The following ZC4H2 variants were observed in gnomAD, a reference collection of about 807,000 sequenced individuals.
ZC4H2 encodes zinc finger C4H2 domain-containing protein.
For missense variants in ZC4H2, 137 were observed against 173.9 expected (o/e 0.79, Z 1.19); for synonymous variants, 84 against 66.3 (o/e 1.27, Z -1.30).
intron 2 of ZC4H2, 114 bp from the exon 3 acceptor site, chrX:64,920,367 T>A: frequency 1.3e-6 from 1 of 768,586 alleles, no homozygotes; most frequent in Non-Finnish European, 1.8e-6. Flanking sequence ...TATATTCAAG[T>A]CCTTGATCTC....
intron 1 of ZC4H2, among the ~76,000 whole-genome samples, chrX:65,029,843 C>T (rs1434470106): frequency 9.1e-6 from 1 of 109,801 alleles, no homozygotes; most frequent in Non-Finnish European, 1.9e-5. Context: ...AGGTCATCTG[C>T]CATAGTGGAG....
At chrX:64,948,242 T>G (rs888575771) in intron 1 of ZC4H2, among the ~76,000 whole-genome samples, 2 of 111,772 alleles carry the variant, frequency 1.8e-5, no homozygotes, top group African/African-American at 6.5e-5. Context: ...GAAACCGGAC[T>G]TGGTCCAGGA....
At chrX:65,012,651 A>C (rs1191759914) in intron 1 of ZC4H2, among the ~76,000 whole-genome samples, 1 of 112,181 alleles carries the variant, frequency 8.9e-6, no homozygotes, top group Non-Finnish European at 1.9e-5. Flanking sequence ...CCAGTTCTCT[A>C]CATGACTACA....
intron 1 of ZC4H2, among the ~76,000 whole-genome samples, chrX:65,026,780 G>A (rs894928737): frequency 1.8e-5 from 2 of 111,643 alleles, no homozygotes; most frequent in African/African-American, 3.3e-5. Context: ...CAGGAAGGCA[G>A]GTGGGCTTCA....
intron 1 of ZC4H2, among the ~76,000 whole-genome samples, chrX:64,946,356 C>A (rs1262352158): frequency 9.0e-6 from 1 of 110,906 alleles, no homozygotes; most frequent in Admixed American, 9.6e-5. Flanking sequence ...ACAGGGAGGT[C>A]CCTGGTCCTT....
Position 64,917,264 on chromosome X carries a change from C to A in ZC4H2, c.*519G>T, listed in dbSNP as rs1928973246. The A allele has an allele frequency of 8.9e-6, 1 of 112,050 alleles. No homozygotes were observed. The highest frequency in any genetic ancestry group is 3.3e-5 in the African/African-American group (1 of 30,643). 9.2% of individuals were successfully genotyped at this position (112,050 alleles called of 1,213,427 possible). The stretch of plus-strand genomic sequence containing the variant: ...TGAAAAGGAGGGCTTGTCCAAGCTA[C>A]CTCTGGGCCTTAAGGATGAGATGAG... On this transcript the variant is annotated 3_prime_UTR_variant, in exon 5 of 5. Coordinates refer to ENST00000374839, the MANE Select transcript of ZC4H2 (RefSeq NM_018684.4).
intron 1 of ZC4H2, among the ~76,000 whole-genome samples, chrX:64,955,202 G>C (rs948479914): frequency 1.8e-5 from 2 of 111,840 alleles, no homozygotes; most frequent in Non-Finnish European, 3.8e-5. Context: ...CAAACCTTCA[G>C]GTGCATTTGG....
intron 1 of ZC4H2, among the ~76,000 whole-genome samples, chrX:64,931,854 T>C (rs1291026261): frequency 8.9e-6 from 1 of 111,930 alleles, no homozygotes; most frequent in Non-Finnish European, 1.9e-5. Flanking sequence ...GTTTTGTAAA[T>C]ATATGTTAAT....
intron 1 of ZC4H2, among the ~76,000 whole-genome samples, chrX:64,938,724 A>C (rs1287101365): frequency 8.9e-6 from 1 of 112,127 alleles, no homozygotes; most frequent in Non-Finnish European, 1.9e-5. Context: ...AAGGCCTGTG[A>C]CATAATTCAA....
chrX:64,946,326 C>T (rs186888010), intron 1 of ZC4H2, among the ~76,000 whole-genome samples: 122 of 110,979 alleles, frequency 1.1e-3, no homozygotes, highest in African/African-American at 3.8e-3. Flanking sequence ...AGCACAGCCT[C>T]ACAGCTTCCC....
chrX:64,996,484 A>T (rs987557699), intron 1 of ZC4H2, among the ~76,000 whole-genome samples: 1 of 111,815 alleles, frequency 8.9e-6, no homozygotes, highest in African/African-American at 3.2e-5. Flanking sequence ...TTATTCAAAA[A>T]GAAAATAAAC....
chrX:64,960,325 G>T (rs1470945940), intron 1 of ZC4H2, among the ~76,000 whole-genome samples: 1 of 109,473 alleles, frequency 9.1e-6, no homozygotes, highest in Admixed American at 9.7e-5. Flanking sequence ...TTTTTTTAAT[G>T]AAAAAAAGGG....
intron 1 of ZC4H2, among the ~76,000 whole-genome samples, chrX:64,948,940 G>A (rs1275099350): frequency 8.9e-6 from 1 of 111,800 alleles, no homozygotes; most frequent in African/African-American, 3.2e-5. Flanking sequence ...AATTTTGTCT[G>A]TAAACATATT....
intron 1 of ZC4H2, among the ~76,000 whole-genome samples, chrX:64,946,614 C>CAT (rs1365614799): frequency 9.8e-6 from 1 of 102,269 alleles, no homozygotes; most frequent in African/African-American, 3.5e-5. Flanking sequence ...CACACACACA[C>CAT]GTCTATTTAA....
intron 1 of ZC4H2, among the ~76,000 whole-genome samples, chrX:65,030,016 C>T (rs1360291095): frequency 8.9e-6 from 1 of 112,220 alleles, no homozygotes; most frequent in African/African-American, 3.2e-5. Context: ...TAAATGGAAA[C>T]AGTGAACAAA....
At chrX:64,955,007 A>G (rs1002786546) in intron 1 of ZC4H2, among the ~76,000 whole-genome samples, 11 of 111,999 alleles carry the variant, frequency 9.8e-5, no homozygotes, top group Non-Finnish European at 2.1e-4. Context: ...GAGAAGCAGG[A>G]CAGCCACTTT....
intron 1 of ZC4H2, among the ~76,000 whole-genome samples, chrX:64,991,924 G>C (rs1036924525): frequency 9.0e-6 from 1 of 111,622 alleles, no homozygotes. Flanking sequence ...AGACACAAAG[G>C]ACTATATGTT....
intron 1 of ZC4H2, among the ~76,000 whole-genome samples, chrX:65,028,346 C>T (rs1932901413): frequency 8.9e-6 from 1 of 112,226 alleles, no homozygotes; most frequent in Non-Finnish European, 1.9e-5. Context: ...GCAAGAATCC[C>T]TGTCTTCATG....
intron 1 of ZC4H2, among the ~76,000 whole-genome samples, chrX:64,956,328 G>A (rs1253903336): frequency 9.0e-6 from 1 of 111,309 alleles, no homozygotes; most frequent in Non-Finnish European, 1.9e-5. Flanking sequence ...CCCTGGGTAA[G>A]GAGCATACTA....
Sources: gnomAD v4.1 joint callset for allele counts (sites outside exome capture counted in the v4.1 genomes callset) on GRCh38, gnomAD v4.1.1 for gene constraint, MANE v1.5 for transcripts, NCBI Gene and HGNC (gene_info 2026-07-23, HGNC 2026-07-21) for gene names.